The following PPARGC1A variants were observed in gnomAD, a reference collection of about 807,000 sequenced individuals.
PPARGC1A encodes the protein peroxisome proliferator-activated receptor gamma coactivator 1-alpha.
In PPARGC1A, 25 loss-of-function variants were observed where a neutral mutation model predicts 88.7. The observed-to-expected ratio is 0.28, with a 90% CI of 0.21 to 0.39. The LOEUF (loss-of-function observed/expected upper bound fraction) is 0.39. Among genes scored for constraint, PPARGC1A ranks in the 10% least tolerant of loss-of-function variants. PPARGC1A has a pLI of 1.00. For synonymous variants in PPARGC1A, 363 were observed against 355.6 expected (o/e 1.02, Z -0.24); for missense variants, 880 against 968.7 (o/e 0.91, Z 1.22).
chr4:23,844,573 ATTG>A (rs1384165573), intron 2 of PPARGC1A, among the ~76,000 whole-genome samples: 10 of 113,538 alleles, frequency 8.8e-5, no homozygotes, highest in Non-Finnish European at 1.6e-4. Context: ...TATATTGTAT[ATTG>A]TTAATATATA....
the PPARGC1A span, among the ~76,000 whole-genome samples, chr4:24,401,331 T>A: frequency 1.3e-5 from 2 of 152,036 alleles, no homozygotes; most frequent in African/African-American, 4.8e-5. Flanking sequence ...CCTGATATTT[T>A]CAAAAAATAT....
the PPARGC1A span, among the ~76,000 whole-genome samples, chr4:24,323,405 C>A: frequency 1.1e-4 from 17 of 152,214 alleles, no homozygotes; most frequent in African/African-American, 4.1e-4. Context: ...CCCGCCTTAA[C>A]TGATGACATT....
the PPARGC1A span, among the ~76,000 whole-genome samples, chr4:24,066,227 A>T: frequency 1.3e-5 from 2 of 152,066 alleles, no homozygotes; most frequent in African/African-American, 4.8e-5. Context: ...ATCAGGTAGA[A>T]GCCTCTCTAA....
At chr4:24,089,824 TC>T in the PPARGC1A span, among the ~76,000 whole-genome samples, 1 of 152,152 alleles carries the variant, frequency 6.6e-6, no homozygotes, top group Non-Finnish European at 1.5e-5. Flanking sequence ...ACGCCTTTTT[TC>T]TAACCACTAC....
At chr4:24,408,964 G>C in the PPARGC1A span, among the ~76,000 whole-genome samples, 8 of 152,212 alleles carry the variant, frequency 5.3e-5, no homozygotes, top group Non-Finnish European at 4.4e-5. Flanking sequence ...ATTTATAGAA[G>C]AAATGATATG....
intron 2 of PPARGC1A, among the ~76,000 whole-genome samples, chr4:23,863,536 C>T (rs80294476): frequency 2.0e-5 from 3 of 152,114 alleles, no homozygotes; most frequent in African/African-American, 7.2e-5. Flanking sequence ...AGTCCCCAGT[C>T]ATCACTTGGT....
Position 23,795,702 on chromosome 4 carries a change from T to G in PPARGC1A, c.*120A>C. 2 of 679,616 alleles carry G rather than the reference T, an allele frequency of 2.9e-6. No individual in the cohort carries two copies. Among genetic ancestry groups the G allele is most frequent in the Non-Finnish European group, 2.4e-6 (1 of 410,944 alleles). The allele number at this position is 679,616 out of a possible 1,614,324, so 42.1% of individuals were successfully genotyped here. A position where few individuals can be genotyped will look rare whatever the true frequency, so the allele number is the denominator to read the frequency against. ...TATTGTTGTTGTTTTGTTTTGTTTT[T>G]GTACAGAGAGTGTAAAGTAGGAGAA... On this transcript the variant is annotated 3_prime_UTR_variant, in exon 13 of 13. Coordinates refer to ENST00000264867, the MANE Select transcript of PPARGC1A (RefSeq NM_013261.5).
At chr4:23,876,373 A>G (rs770732072) in intron 2 of PPARGC1A, among the ~76,000 whole-genome samples, 3 of 152,236 alleles carry the variant, frequency 2.0e-5, no homozygotes, top group Non-Finnish European at 2.9e-5. Context: ...GTCAAGAATA[A>G]AAATGAAGTA....
At chr4:24,276,282 CA>C in the PPARGC1A span, among the ~76,000 whole-genome samples, 1 of 152,142 alleles carries the variant, frequency 6.6e-6, no homozygotes, top group African/African-American at 2.4e-5. Context: ...GTCACATTGT[CA>C]GAAAAGGAAC....
the PPARGC1A span, among the ~76,000 whole-genome samples, chr4:24,283,564 A>C: frequency 6.6e-6 from 1 of 152,214 alleles, no homozygotes; most frequent in Non-Finnish European, 1.5e-5. Context: ...GCTTTTCTTT[A>C]GAAAGTAGAC....
chr4:23,997,607 T>G, the PPARGC1A span, among the ~76,000 whole-genome samples: 1 of 147,254 alleles, frequency 6.8e-6, no homozygotes, highest in African/African-American at 2.5e-5. Flanking sequence ...GGTTCAAGCA[T>G]TTCTCGTGCT....
the PPARGC1A span, among the ~76,000 whole-genome samples, chr4:24,249,771 T>A: frequency 1.3e-5 from 2 of 152,162 alleles, no homozygotes; most frequent in Admixed American, 1.3e-4. Context: ...TGTGTGTGAC[T>A]TTGGTTAAAC....
the PPARGC1A span, among the ~76,000 whole-genome samples, chr4:24,010,976 C>G: frequency 3.9e-5 from 6 of 152,078 alleles, no homozygotes; most frequent in African/African-American, 4.8e-5. Flanking sequence ...TTGGGACCAT[C>G]TGTTCAACTA....
intron 2 of PPARGC1A, among the ~76,000 whole-genome samples, chr4:23,845,871 C>T (rs1027668233): frequency 6.6e-6 from 1 of 152,182 alleles, no homozygotes; most frequent in African/African-American, 2.4e-5. Flanking sequence ...TACTGAGCTT[C>T]TTTTAATGCC....
At chr4:24,340,229 C>T in the PPARGC1A span, among the ~76,000 whole-genome samples, 1 of 152,116 alleles carries the variant, frequency 6.6e-6, no homozygotes, top group South Asian at 2.1e-4. Context: ...AGAGATATAG[C>T]ACTTTATTCA....
chr4:24,235,183 AGG>A, the PPARGC1A span, among the ~76,000 whole-genome samples: 1 of 152,200 alleles, frequency 6.6e-6, no homozygotes, highest in Non-Finnish European at 1.5e-5. Flanking sequence ...CTTAAATCCT[AGG>A]GGGGTGGTGA....
the PPARGC1A span, among the ~76,000 whole-genome samples, chr4:24,165,155 A>C: frequency 6.6e-6 from 1 of 152,126 alleles, no homozygotes; most frequent in Non-Finnish European, 1.5e-5. Flanking sequence ...GGAAATTTCT[A>C]ATGGACATAT....
At chr4:24,361,037 A>G in the PPARGC1A span, among the ~76,000 whole-genome samples, 2 of 152,140 alleles carry the variant, frequency 1.3e-5, no homozygotes, top group East Asian at 3.9e-4. Context: ...TTGCAGGCAG[A>G]TGAGAGGAGA....
At chr4:23,954,268 C>T in the PPARGC1A span, among the ~76,000 whole-genome samples, 6 of 152,156 alleles carry the variant, frequency 3.9e-5, no homozygotes, top group Middle Eastern at 3.4e-3. Flanking sequence ...TTTAGTAATG[C>T]TAACTGTGTT....
Sources: gnomAD v4.1 joint callset for allele counts (sites outside exome capture counted in the v4.1 genomes callset) on GRCh38, gnomAD v4.1.1 for gene constraint, MANE v1.5 for transcripts, NCBI Gene and HGNC (gene_info 2026-07-23, HGNC 2026-07-21) for gene names.